The following FREM1 variants were observed in gnomAD, a reference collection of about 807,000 sequenced individuals.
FREM1 encodes the protein FRAS1 related extracellular matrix 1.
A neutral mutation model predicts 210.1 loss-of-function variants in FREM1; 220 were observed. That is an observed-to-expected ratio of 1.05 (90% CI 0.94 to 1.17). The LOEUF is 1.17. Among genes scored for constraint, FREM1 ranks in the 50% most tolerant of loss-of-function variants. FREM1 has a pLI of 0.00. For synonymous variants in FREM1, 1,189 were observed against 980.2 expected (o/e 1.21, Z -3.98); for missense variants, 3,454 against 2,675.5 (o/e 1.29, Z -6.42).
chr9:14,797,670 T>C lies in FREM1; in HGVS notation c.3695-28A>G, dbSNP rs148787375. 1.7e-3 allele frequency: 2,645 copies of C among 1,587,006 alleles called. 48 individuals are homozygous for C. In the African/African-American group the frequency reaches 0.031, roughly 19 times the overall value. On this transcript the variant is annotated intron_variant, in intron 20 of 36. Coordinates refer to ENST00000380880, the MANE Select transcript of FREM1 (RefSeq NM_001379081.2). Reference sequence around the variant, plus strand: ...GGAAGAAGGAAAAAAAATAAGTAAATCTTCCTTATGATTGAACCATCATGA... The same window carrying C: ...GGAAGAAGGAAAAAAAATAAGTAAACCTTCCTTATGATTGAACCATCATGA...
In FREM1 at chr9:14,776,081, A is replaced by C; in HGVS notation, c.4565T>G (p.Val1522Gly). 6.2e-7 allele frequency: 1 copy of C among 1,613,004 alleles called. No individual in the cohort carries two copies. The highest frequency in any genetic ancestry group is 8.5e-7 in the Non-Finnish European group (1 of 1,179,132). ...NKGLRLAQGA[V>G]GLLSPDLLQL... ...AAGGAGGTCAGGGGAAAGCAGGCCC[A>C]CGGCCCCTTGGGCCAGTCTCAACCC... The change falls in exon 25 of 37, where the codon GTG (valine) becomes GGG (glycine). Residue 1522 changes from valine to glycine, a missense_variant. Physicochemically the swap from Val to Gly is moderately radical, Grantham distance 109 (BLOSUM62 -3). Coordinates refer to ENST00000380880, the MANE Select transcript of FREM1 (RefSeq NM_001379081.2).
At chr9:14,863,946 G>T in intron 2 of FREM1, 43 bp from the exon 3 acceptor site, 1 of 1,268,622 alleles carries the variant, frequency 7.9e-7, no homozygotes, top group Middle Eastern at 1.8e-4. Flanking sequence ...TGAGAAAATT[G>T]GTACAAGATT....
At chr9:14,848,798 G>T (rs765269455) in intron 6 of FREM1, 25 bp from the exon 7 acceptor site, 6 of 1,392,198 alleles carry the variant, frequency 4.3e-6, no homozygotes, top group Non-Finnish European at 6.1e-6. Context: ...AGGCAAAGGA[G>T]CCACACACTG....
chr9:14,777,309 T>G (rs1190424564), intron 24 of FREM1, among the ~76,000 whole-genome samples: 1 of 152,210 alleles, frequency 6.6e-6, no homozygotes, highest in African/African-American at 2.4e-5. Context: ...AGCATTACAA[T>G]ATGTAATTTT....
chr9:14,887,088 C>A (rs1037964691), intron 1 of FREM1, among the ~76,000 whole-genome samples: 1 of 151,984 alleles, frequency 6.6e-6, no homozygotes, highest in African/African-American at 2.4e-5. Flanking sequence ...ATCACATGTG[C>A]CATAAATTGA....
rs545894088 is a variant in FREM1 at position 14,830,613 on chromosome 9, ACCT to A, written c.1882-5624_1882-5622del. On this transcript the variant is annotated intron_variant, in intron 10 of 36. Coordinates refer to ENST00000380880, the MANE Select transcript of FREM1 (RefSeq NM_001379081.2). ...GTTAAAAAAATGTGCCCACCGGAAG[ACCT>A]CCTCCTCTTTCGGCTTTGGAGCTCC... Among the ~76,000 whole-genome samples the A allele has an allele frequency of 1.8e-3, 277 of 151,984 alleles. 1 individual carries two copies. The highest frequency in any genetic ancestry group is 6.2e-3 in the African/African-American group (256 of 41,444).
rs1484889812 is a variant in FREM1 at position 14,876,704 on chromosome 9, T to C, written c.-267-7460A>G. Among the ~76,000 whole-genome samples, 9 of 152,288 alleles carry C rather than the reference T, an allele frequency of 5.9e-5. 1 individual carries two copies. The East Asian group carries it at 1.7e-3, about 30-fold the overall frequency. ...CACCCACTGTCCTGCGCCCACTGTC[T>C]GGCACTCCCTAGTGAGATGAACCCG... On this transcript the variant is annotated intron_variant, in intron 1 of 36. Transcript: ENST00000380880.
Position 14,747,329 on chromosome 9 carries a change from T to C in FREM1, c.5944A>G (p.Lys1982Glu), listed in dbSNP as rs773896918. 1.9e-6 allele frequency: 3 copies of C among 1,613,824 alleles called. No individual in the cohort carries two copies. In the South Asian group the frequency reaches 3.3e-5, roughly 18 times the overall value. ...TCTGCTTGAGGCAGTTCTGCCACTT[T>C]GATTGTCTTTTGTGGCTGACTAATG... ...SIISQPQKTIKVAELPQADKV... is the reference protein window; with the variant it reads ...SIISQPQKTIEVAELPQADKV... The change falls in exon 33 of 37, where the codon AAA becomes GAA. Residue 1982 changes from lysine (K) to glutamate (E), a missense_variant. Lys to Glu is a moderately conservative substitution (Grantham distance 56). Coordinates refer to ENST00000380880, the MANE Select transcript of FREM1 (RefSeq NM_001379081.2).
At chr9:14,770,324 C>G (rs1028267991) in intron 26 of FREM1, among the ~76,000 whole-genome samples, 1 of 151,940 alleles carries the variant, frequency 6.6e-6, no homozygotes, top group East Asian at 1.9e-4. Context: ...GAAATTTGGT[C>G]CTGATATTAT....
chr9:14,822,380 C>T (rs372337245), intron 13 of FREM1, among the ~76,000 whole-genome samples: 9 of 152,270 alleles, frequency 5.9e-5, no homozygotes, highest in African/African-American at 1.7e-4. Flanking sequence ...GGAAAGAGAA[C>T]GCCAGTGCAG....
intron 10 of FREM1, among the ~76,000 whole-genome samples, chr9:14,832,714 G>T (rs1403809263): frequency 6.6e-6 from 1 of 152,110 alleles, no homozygotes; most frequent in Non-Finnish European, 1.5e-5. Flanking sequence ...GCTGGCAAAA[G>T]GGTAAAAATT....
At chr9:14,841,366 T>G in intron 10 of FREM1, 81 bp downstream of exon 10, 1 of 1,166,542 alleles carries the variant, frequency 8.6e-7, no homozygotes, top group Non-Finnish European at 1.2e-6. Flanking sequence ...AAACCTATTT[T>G]CATGTGGTTT....
chr9:14,858,477 G>A (rs905544403), intron 4 of FREM1, among the ~76,000 whole-genome samples: 10 of 150,744 alleles, frequency 6.6e-5, no homozygotes, highest in African/African-American at 2.4e-4. Flanking sequence ...TGGGATTATA[G>A]GTGTGAGCCA....
intron 1 of FREM1, among the ~76,000 whole-genome samples, chr9:14,903,104 C>A (rs560220877): frequency 6.6e-6 from 1 of 152,174 alleles, no homozygotes; most frequent in African/African-American, 2.4e-5. Context: ...TTTGATTGTT[C>A]CAAAATTTCT....
intron 20 of FREM1, among the ~76,000 whole-genome samples, chr9:14,799,121 T>G (rs186411512): frequency 1.3e-5 from 2 of 152,010 alleles, no homozygotes; most frequent in East Asian, 3.9e-4. Context: ...TCTACAAAAC[T>G]TTTTTTTCAT....
chr9:14,775,517 C>G (rs959448405), intron 25 of FREM1, among the ~76,000 whole-genome samples: 2 of 151,974 alleles, frequency 1.3e-5, no homozygotes, highest in Non-Finnish European at 2.9e-5. Flanking sequence ...ACCAGCCTGA[C>G]TGACATGGTG....
Position 14,808,129 on chromosome 9 carries a change from C to A in FREM1, c.2899G>T (p.Glu967Ter). The A allele has an allele frequency of 6.3e-7, 1 of 1,588,338 alleles. No individual in the cohort carries two copies. ...TCAAAACAAGGCATCAGGCCAATCT[C>A]GCCACCTGGAAGACACAACTATAGC... ...EAVTYKHTGGEIGLMPCFDTI... is the reference protein window; with the variant it reads ...EAVTYKHTGG Residue 967 changes from glutamate (E) to a stop codon, truncating the protein, a stop_gained, in exon 17 of 37, where the codon GAG becomes TAG. Transcript: ENST00000380880. LOFTEE classifies it high-confidence loss of function.
chr9:14,901,945 G>A (rs1838860766), intron 1 of FREM1, among the ~76,000 whole-genome samples: 2 of 151,864 alleles, frequency 1.3e-5, no homozygotes, highest in African/African-American at 4.8e-5. Context: ...TTGACCACTG[G>A]GTCTCAAGTG....
chr9:14,814,119 T>C (rs1462403566), intron 15 of FREM1, among the ~76,000 whole-genome samples: 1 of 152,180 alleles, frequency 6.6e-6, no homozygotes, highest in Non-Finnish European at 1.5e-5. Context: ...ACTCTTTGCT[T>C]GGTTAACTCC....
Sources: allele counts gnomAD v4.1 joint callset (sites outside exome capture counted in the v4.1 genomes callset), GRCh38; gene constraint gnomAD v4.1.1; transcripts MANE v1.5; gene names NCBI Gene and HGNC (gene_info 2026-07-23, HGNC 2026-07-21).